Variants in AGBL4 observed in about 807,000 individuals in gnomAD.
AGBL4 encodes cytosolic carboxypeptidase 6.
Under a neutral mutation model 66.4 loss-of-function variants are expected in AGBL4, and 58 were observed. The ratio of observed to expected loss-of-function variants is 0.87; its 90% CI spans 0.71 to 1.09. The LOEUF is 1.09. AGBL4 is among the 50% of genes least tolerant of loss of function. The pLI, the probability that AGBL4 is intolerant of heterozygous loss-of-function variation, is 0.00. For missense variants in AGBL4, 579 were observed against 631.0 expected (o/e 0.92, Z 0.88); for synonymous variants, 234 against 222.9 (o/e 1.05, Z -0.44).
At chr1:49,833,517 C>A (rs1223044681) in intron 2 of AGBL4, among the ~76,000 whole-genome samples, 1 of 151,882 alleles carries the variant, frequency 6.6e-6, no homozygotes. Context: ...TAGTTTTTTC[C>A]AATTCTGTGA....
At chr1:49,362,990 C>T (rs977678046) in intron 3 of AGBL4, among the ~76,000 whole-genome samples, 24 of 152,222 alleles carry the variant, frequency 1.6e-4, no homozygotes, top group African/African-American at 1.7e-4. Context: ...AGACATCCAG[C>T]AGCTGCATAT....
chr1:48,602,965 A>C lies in AGBL4; in HGVS notation c.952-11980T>G, dbSNP rs143870565. 6.7e-3 allele frequency among the ~76,000 whole-genome samples: 1,028 copies of C among 152,332 alleles called. 14 individuals carry two copies. Among genetic ancestry groups the C allele is most frequent in the African/African-American group, 0.024 (980 of 41,576 alleles). On this transcript the variant is annotated intron_variant, in intron 9 of 13. Coordinates refer to ENST00000371839, the MANE Select transcript of AGBL4 (RefSeq NM_032785.4). ...GGTGCTGTAAGAGACATAAGTGAAG[A>C]CTGGGTGAAAGTATGGCTGAAGGAA...
intron 6 of AGBL4, among the ~76,000 whole-genome samples, chr1:48,730,905 C>A (rs2148555499): frequency 6.6e-6 from 1 of 152,328 alleles, no homozygotes; most frequent in African/African-American, 2.4e-5. Context: ...ATAGGTTTAA[C>A]TGTCATTCTG....
chr1:48,528,447 A>G (rs1379042611), downstream of AGBL4, among the ~76,000 whole-genome samples: 1 of 152,102 alleles, frequency 6.6e-6, no homozygotes, highest in Non-Finnish European at 1.5e-5. Flanking sequence ...GGAACAAGTA[A>G]ATTTTAAGCA....
chr1:49,135,138 C>T (rs1028886665), intron 4 of AGBL4, among the ~76,000 whole-genome samples: 25 of 151,792 alleles, frequency 1.6e-4, no homozygotes, highest in South Asian at 2.1e-4. Context: ...CTGCCTGGCT[C>T]GCAGGCAGTC....
intron 4 of AGBL4, among the ~76,000 whole-genome samples, chr1:49,163,966 T>C (rs1646586497): frequency 6.6e-6 from 1 of 152,156 alleles, no homozygotes; most frequent in South Asian, 2.1e-4. Context: ...TGAAATCCCA[T>C]TCACGAAGCC....
intron 6 of AGBL4, among the ~76,000 whole-genome samples, chr1:48,729,821 C>T (rs903251427): frequency 2.6e-5 from 4 of 151,936 alleles, no homozygotes; most frequent in Admixed American, 1.3e-4. Flanking sequence ...TAATTGACCT[C>T]GACCAGTCAC....
chr1:49,880,473 G>A (rs1191617862), intron 1 of AGBL4, among the ~76,000 whole-genome samples: 1 of 152,136 alleles, frequency 6.6e-6, no homozygotes, highest in African/African-American at 2.4e-5. Context: ...TAGGCTGCTT[G>A]GGGGTCGGGG....
intron 6 of AGBL4, among the ~76,000 whole-genome samples, chr1:48,782,761 T>C (rs1379073272): frequency 2.0e-5 from 3 of 151,552 alleles, no homozygotes; most frequent in Admixed American, 6.5e-5. Context: ...TGAACCTACA[T>C]TGACACATCA....
chr1:48,966,553 A>C (rs1658436711), intron 5 of AGBL4, among the ~76,000 whole-genome samples: 1 of 152,194 alleles, frequency 6.6e-6, no homozygotes, highest in Admixed American at 6.5e-5. Flanking sequence ...TCCAAAAGAA[A>C]AGAATATACC....
intron 3 of AGBL4, among the ~76,000 whole-genome samples, chr1:49,438,018 GA>G (rs1472779361): frequency 3.9e-5 from 6 of 152,092 alleles, no homozygotes; most frequent in Non-Finnish European, 1.5e-5. Context: ...CATAAAAACA[GA>G]TACAGAAAGG....
intron 11 of AGBL4, among the ~76,000 whole-genome samples, chr1:48,560,925 A>G (rs944440838): frequency 2.6e-5 from 4 of 152,248 alleles, no homozygotes; most frequent in South Asian, 2.1e-4. Context: ...TTCTTTCTGG[A>G]TAAATTCCCA....
chr1:49,945,380 C>A (rs748066631), intron 1 of AGBL4, among the ~76,000 whole-genome samples: 77 of 152,062 alleles, frequency 5.1e-4, no homozygotes, highest in Non-Finnish European at 8.5e-4. Flanking sequence ...AGCAGAAACC[C>A]TATAAGCTAG....
intron 6 of AGBL4, among the ~76,000 whole-genome samples, chr1:48,855,122 A>C (rs1570840532): frequency 6.6e-6 from 1 of 152,156 alleles, no homozygotes. Context: ...TCTAGGCCTG[A>C]GGCCTGCCTT....
At chr1:49,788,942 G>A (rs6588360) in intron 2 of AGBL4, among the ~76,000 whole-genome samples, 64,292 of 152,062 alleles carry the variant, frequency 0.42, 16,093 homozygotes, top group Non-Finnish European at 0.57. Flanking sequence ...GAATGCTTCC[G>A]GCATTTGCCC....
At chr1:48,839,451 G>A (rs1172081855) in intron 6 of AGBL4, among the ~76,000 whole-genome samples, 1 of 152,038 alleles carries the variant, frequency 6.6e-6, no homozygotes, top group African/African-American at 2.4e-5. Context: ...GAGGACATTA[G>A]GTTAAGTGAA....
chr1:48,693,955 A>G (rs1487167363), intron 6 of AGBL4, among the ~76,000 whole-genome samples: 1 of 150,564 alleles, frequency 6.6e-6, no homozygotes, highest in Non-Finnish European at 1.5e-5. Context: ...TGCATGGGCT[A>G]TACTCAACCA....
rs1441292994 is a variant in AGBL4, at chr1:49,509,389, T to C, written c.282+187924A>G. Among the ~76,000 whole-genome samples the C allele has an allele frequency of 2.0e-5, 3 of 151,978 alleles. 1 individual carries two copies. The highest frequency in any genetic ancestry group is 4.4e-5 in the Non-Finnish European group (3 of 67,976). On this transcript the variant is annotated intron_variant, in intron 3 of 13. Transcript: ENST00000371839. ...ATTTTATTTACCTGTGGAGGTGTTT[T>C]ATTTTCCTCAACTTTTAGATACTTG...
chr1:49,266,612 C>CACAT (rs143947241), intron 3 of AGBL4, among the ~76,000 whole-genome samples: 4 of 151,406 alleles, frequency 2.6e-5, no homozygotes, highest in African/African-American at 9.7e-5. Flanking sequence ...ACCTGTAACA[C>CACAT]ACACACACAC....
Sources: allele counts gnomAD v4.1 joint callset (sites outside exome capture counted in the v4.1 genomes callset), GRCh38; gene constraint gnomAD v4.1.1; transcripts MANE v1.5; gene names NCBI Gene and HGNC (gene_info 2026-07-23, HGNC 2026-07-21).